Variants in SLC16A7 observed in about 807,000 individuals in gnomAD.
SLC16A7 encodes the protein monocarboxylate transporter 2.
In SLC16A7, 33 loss-of-function variants were observed where a neutral mutation model predicts 34.9. The ratio of observed to expected loss-of-function variants is 0.94; its 90% CI spans 0.72 to 1.26. SLC16A7 has a LOEUF of 1.26. SLC16A7 is among the 50% of genes most tolerant of loss of function. The pLI is 0.00. For synonymous variants in SLC16A7, 201 were observed against 206.6 expected, an observed-to-expected ratio of 0.97 and a Z score of 0.23; for missense variants, 573 against 578.1, an observed-to-expected ratio of 0.99 and a Z score of 0.09.
intron 1 of SLC16A7, among the ~76,000 whole-genome samples, chr12:59,629,893 G>C (rs190661459): frequency 2.4e-4 from 37 of 151,946 alleles, no homozygotes; most frequent in Non-Finnish European, 4.6e-4. Context: ...ATAGAAACAT[G>C]CTTCTGGAAC....
intron 1 of SLC16A7, among the ~76,000 whole-genome samples, chr12:59,654,459 G>T (rs1297647988): frequency 6.6e-6 from 1 of 151,630 alleles, no homozygotes; most frequent in Non-Finnish European, 1.5e-5. Context: ...AAGTAAAGAA[G>T]TTGGACAGAG....
chr12:59,754,181 A>G (rs1458095959), intron 3 of SLC16A7, among the ~76,000 whole-genome samples: 2 of 152,194 alleles, frequency 1.3e-5, no homozygotes, highest in Admixed American at 6.5e-5. Flanking sequence ...ACACCCTAAC[A>G]TATCAATTAA....
intron 2 of SLC16A7, among the ~76,000 whole-genome samples, chr12:59,695,385 T>C (rs772695594): frequency 2.0e-5 from 3 of 152,036 alleles, no homozygotes; most frequent in Non-Finnish European, 4.4e-5. Context: ...GTCCGAAGCC[T>C]CCTGGTAGGA....
chr12:59,672,760 C>G (rs1032970536), intron 2 of SLC16A7, among the ~76,000 whole-genome samples: 4 of 152,058 alleles, frequency 2.6e-5, no homozygotes, highest in Admixed American at 2.6e-4. Flanking sequence ...AGCAAATAAT[C>G]AAATCTAAAG....
At chr12:59,668,013 A>G (rs903640187) in intron 2 of SLC16A7, among the ~76,000 whole-genome samples, 2 of 152,232 alleles carry the variant, frequency 1.3e-5, no homozygotes, top group Non-Finnish European at 2.9e-5. Flanking sequence ...GATACACAGA[A>G]GTCAAGAATT....
chr12:59,659,614 T>C (rs1009711118), intron 2 of SLC16A7, among the ~76,000 whole-genome samples: 1 of 152,106 alleles, frequency 6.6e-6, no homozygotes, highest in African/African-American at 2.4e-5. Context: ...CTTTGATTCA[T>C]CTATTTAATT....
chr12:59,672,626 T>C (rs1869979731), intron 2 of SLC16A7, among the ~76,000 whole-genome samples: 1 of 152,120 alleles, frequency 6.6e-6, no homozygotes. Context: ...AGGTTAGATA[T>C]TTAATTTGTT....
chr12:59,675,894 T>G (rs998406917), intron 2 of SLC16A7, among the ~76,000 whole-genome samples: 1 of 152,200 alleles, frequency 6.6e-6, no homozygotes, highest in Non-Finnish European at 1.5e-5. Context: ...TTACTAGTTT[T>G]GCAGCTATTG....
chr12:59,644,294 C>T (rs1302398550), intron 1 of SLC16A7, among the ~76,000 whole-genome samples: 3 of 152,126 alleles, frequency 2.0e-5, no homozygotes, highest in Admixed American at 1.3e-4. Flanking sequence ...TGTCCGGGCA[C>T]GGTAGCTCAT....
intron 2 of SLC16A7, among the ~76,000 whole-genome samples, chr12:59,678,480 C>T (rs75496452): frequency 0.014 from 2,096 of 152,204 alleles, 56 homozygotes; most frequent in African/African-American, 0.046. Flanking sequence ...CTCTTCTCTG[C>T]GGCTGGTAGT....
intron 1 of SLC16A7, among the ~76,000 whole-genome samples, chr12:59,633,530 A>G (rs1807068258): frequency 6.6e-6 from 1 of 151,990 alleles, no homozygotes; most frequent in African/African-American, 2.4e-5. Flanking sequence ...CACACTTACT[A>G]CAAAAGTTGA....
intron 3 of SLC16A7, among the ~76,000 whole-genome samples, chr12:59,717,393 A>G (rs1875042176): frequency 6.6e-6 from 1 of 152,344 alleles, no homozygotes; most frequent in Non-Finnish European, 1.5e-5. Flanking sequence ...ATATCTACAC[A>G]GAGTTAGTTT....
chr12:59,758,816 C>T lies in SLC16A7; in HGVS notation c.218-12403C>T, dbSNP rs569292096. 7.9e-5 allele frequency among the ~76,000 whole-genome samples: 12 copies of T among 152,100 alleles called. No individual in the cohort carries two copies. The South Asian group carries it at 1.7e-3, about 21-fold the overall frequency. ...GTCTGTAATTCACAGTGAACTGGTT[C>T]TTGGGCATCAATTTATGACAAATTC... is the stretch of plus-strand genomic sequence containing the variant. On this transcript the variant is annotated intron_variant, in intron 3 of 5. Transcript: ENST00000547379.
rs375883492 is a variant in SLC16A7 at position 59,774,972 on chromosome 12, A to G, written c.677A>G (p.Lys226Arg). 6.2e-7 allele frequency: 1 copy of G among 1,614,000 alleles called. No individual in the cohort carries two copies. Among genetic ancestry groups the G allele is most frequent in the African/African-American group, 1.3e-5 (1 of 75,046 alleles). ...TCAAGCCCAAAGAAAATCAAAACGAAGAAATCAACTTGGGAAAAAGTTAAT... is the reference window on the plus strand; with the variant it reads ...TCAAGCCCAAAGAAAATCAAAACGAGGAAATCAACTTGGGAAAAAGTTAAT... ...DDSSPKKIKT[K>R]KSTWEKVNKY... Residue 226 changes from lysine to arginine, a missense_variant, in exon 5 of 6, where the codon AAG becomes AGG. Physicochemically the swap from Lys to Arg is conservative, Grantham distance 26. Transcript: ENST00000547379.
At chr12:59,686,095 C>CTTTTTTTTT (rs572779305) in intron 2 of SLC16A7, among the ~76,000 whole-genome samples, 1 of 93,524 alleles carries the variant, frequency 1.1e-5, no homozygotes, top group Non-Finnish European at 2.1e-5. Context: ...AAGAACTTTT[C>CTTTTTTTTT]TTTTTTTTTT....
chr12:59,749,609 A>AGAG (rs899881608), intron 3 of SLC16A7, among the ~76,000 whole-genome samples: 26 of 152,200 alleles, frequency 1.7e-4, no homozygotes, highest in African/African-American at 5.8e-4. Context: ...ACCTCTATAT[A>AGAG]GAGAGTATCA....
Position 59,787,575 on chromosome 12 carries a change from G to A in SLC16A7, c.*7896G>A, listed in dbSNP as rs985168443. 1 of 152,314 alleles carries A rather than the reference G, an allele frequency of 6.6e-6. No individual in the cohort carries two copies. The highest frequency in any genetic ancestry group is 6.5e-5 in the Admixed American group (1 of 15,296). 9.4% of individuals were successfully genotyped at this position (152,314 alleles called of 1,614,324 possible). On this transcript the variant is annotated 3_prime_UTR_variant, in exon 6 of 6. Coordinates refer to ENST00000547379, the MANE Select transcript of SLC16A7 (RefSeq NM_001270623.2). ...TAAAGATCTGTGGTGAAGGGGAAGA[G>A]GGGTTGCTATTAGGAGTTTTCCCGG...
chr12:59,640,426 GC>G (rs34078003), intron 1 of SLC16A7, among the ~76,000 whole-genome samples: 2 of 151,600 alleles, frequency 1.3e-5, no homozygotes, highest in East Asian at 1.9e-4. Flanking sequence ...TGAACTTTAT[GC>G]CCCCCCAGAG....
chr12:59,765,058 T>A (rs955442639), intron 3 of SLC16A7, among the ~76,000 whole-genome samples: 2 of 152,236 alleles, frequency 1.3e-5, no homozygotes, highest in Non-Finnish European at 2.9e-5. Context: ...ATTGTGGTTT[T>A]GATTTGCATT....
Sources: allele counts gnomAD v4.1 joint callset (sites outside exome capture counted in the v4.1 genomes callset), GRCh38; gene constraint gnomAD v4.1.1; transcripts MANE v1.5; gene names NCBI Gene and HGNC (gene_info 2026-07-23, HGNC 2026-07-21).